HCN2: variants seen among roughly 807,000 people sequenced by gnomAD.
The protein encoded by HCN2 is hyperpolarization activated cyclic nucleotide gated potassium and sodium channel 2.
A neutral mutation model predicts 52.3 loss-of-function variants in HCN2; 20 were observed. The observed-to-expected ratio is 0.38, with a 90% CI of 0.27 to 0.56. HCN2 has a LOEUF of 0.56. HCN2 is among the 20% of genes least tolerant of loss of function. HCN2 has a pLI of 0.71. For synonymous variants in HCN2, 694 were observed against 537.0 expected (o/e 1.29, Z -4.04); for missense variants, 981 against 1,207.7 (o/e 0.81, Z 2.78).
Position 605,240 on chromosome 19 carries a change from T to C in HCN2, c.1218+18T>C. The C allele has an allele frequency of 1.9e-6, 3 of 1,607,538 alleles. No homozygotes were observed. The highest frequency in any genetic ancestry group is 1.1e-5 in the South Asian group (1 of 90,886). On this transcript the variant is annotated intron_variant, in intron 3 of 7. Transcript: ENST00000251287. ...GCATGGTGGTGAGCGCCGCGGGCCC[T>C]GACGGAGGGGGAGACGCAGGCTCCC...
In HCN2 at chr19:599,258, G is replaced by A. The variant is rs866502162; in HGVS notation, c.633-4286G>A. 3.3e-5 allele frequency among the ~76,000 whole-genome samples: 5 copies of A among 152,250 alleles called. No individual in the cohort carries two copies. The South Asian group carries it at 1.0e-3, about 32-fold the overall frequency. On this transcript the variant is annotated intron_variant, in intron 1 of 7. Transcript: ENST00000251287. Reference sequence around the variant, plus strand: ...AGTGGAGCGTCTGGGTCACCCCGCAGACGTGGTGTTAACAGCTTTTCCCTC... The same window carrying A: ...AGTGGAGCGTCTGGGTCACCCCGCAAACGTGGTGTTAACAGCTTTTCCCTC...
intron 1 of HCN2, among the ~76,000 whole-genome samples, chr19:599,057 T>G (rs1983120547): frequency 6.6e-6 from 1 of 152,274 alleles, no homozygotes; most frequent in Admixed American, 6.5e-5. Flanking sequence ...CCAAGGTCAC[T>G]GTGCCAGCAG....
At position 610,409 on chromosome 19, in the gene HCN2, A is replaced by G; in HGVS notation, c.1584+4A>G. The stretch of plus-strand genomic sequence containing the variant: ...GCTCAACGGGCCCCTGCGGGAGGTG[A>G]GGCGGGCGCCGGGCGGGCGGGAGGC... On this transcript the variant is annotated splice_donor_region_variant and intron_variant, in intron 5 of 7. Transcript: ENST00000251287. 1.9e-6 allele frequency: 3 copies of G among 1,612,012 alleles called. No homozygotes were observed. Among genetic ancestry groups the G allele is most frequent in the Non-Finnish European group, 2.5e-6 (3 of 1,179,008 alleles).
chr19:613,937 C>G lies in HCN2; in HGVS notation c.1911C>G (p.Asn637Lys). The G allele has an allele frequency of 6.2e-7, 1 of 1,603,742 alleles. No individual in the cohort carries two copies. The highest frequency in any genetic ancestry group is 8.5e-7 in the Non-Finnish European group (1 of 1,175,118). ...YCRLYSLSVD[N>K]FNEVLEEYPM... ...GCCTCTATTCGCTGAGCGTGGACAA[C>G]TTCAACGAGGTGCTGGAGGAGTACC... The change falls in exon 7 of 8, where the codon AAC (asparagine) becomes AAG (lysine). Residue 637 changes from asparagine to lysine, a missense_variant. Physicochemically the swap from Asn to Lys is moderately conservative, Grantham distance 94. This residue lies in a region of HCN2 where 85 missense variants were observed against 106.1 expected (regional missense o/e 0.80). Coordinates refer to ENST00000251287, the MANE Select transcript of HCN2 (RefSeq NM_001194.4).
At chr19:598,918 C>T (rs1031670814) in intron 1 of HCN2, among the ~76,000 whole-genome samples, 10 of 152,158 alleles carry the variant, frequency 6.6e-5, no homozygotes, top group African/African-American at 9.7e-5. Context: ...TGAGTCAGCC[C>T]TTCTCTAGGT....
At position 603,974 on chromosome 19, in the gene HCN2, T is replaced by TGGGGCG. The variant is rs781035673; in HGVS notation, c.1056+17_1056+22dup. The stretch of plus-strand genomic sequence containing the variant: ...CATCCATCAGTGGGAGGAGGTGAGG[T>TGGGGCG]GGGGCGGGGGCGGGGCCAAGGCAGC... On this transcript the variant is annotated splice_region_variant and intron_variant, in intron 2 of 7. Coordinates refer to ENST00000251287, the MANE Select transcript of HCN2 (RefSeq NM_001194.4). 6 of 626,432 alleles carry TGGGGCG rather than the reference T, an allele frequency of 9.6e-6. No homozygotes were observed. Among genetic ancestry groups the TGGGGCG allele is most frequent in the Non-Finnish European group, 1.0e-5 (5 of 476,630 alleles). 38.8% of individuals were successfully genotyped at this position (626,432 alleles called of 1,614,324 possible). A position where few individuals can be genotyped will look rare whatever the true frequency, so the allele number is the denominator to read the frequency against.
chr19:598,655 G>A (rs1568362337), intron 1 of HCN2, among the ~76,000 whole-genome samples: 1 of 152,192 alleles, frequency 6.6e-6, no homozygotes, highest in Non-Finnish European at 1.5e-5. Flanking sequence ...AGGCTGGAGT[G>A]CGATGGCGCG....
At chr19:610,149 C>G in intron 4 of HCN2, 110 bp from the exon 5 acceptor site, 1 of 1,338,126 alleles carries the variant, frequency 7.5e-7, no homozygotes, top group Non-Finnish European at 1.0e-6. Context: ...CCGCTGCAGG[C>G]TGGGGGCGGT....
At chr19:596,867 G>C (rs1475748239) in intron 1 of HCN2, among the ~76,000 whole-genome samples, 2 of 152,126 alleles carry the variant, frequency 1.3e-5, no homozygotes, top group Non-Finnish European at 2.9e-5. Flanking sequence ...GGTCTCCCAA[G>C]GTCACTCAGT....
chr19:612,393 GGTGTGTGTGTGTGTGT>G (rs140326049), intron 5 of HCN2, among the ~76,000 whole-genome samples: 16 of 141,768 alleles, frequency 1.1e-4, no homozygotes, highest in African/African-American at 2.9e-4. Flanking sequence ...GCTTTCCACT[GGTGTGTGTGTGTGTGT>G]GTGTGTGTGT....
chr19:604,981 T>G, intron 2 of HCN2, 80 bp from the exon 3 acceptor site: 1 of 1,251,150 alleles, frequency 8.0e-7, no homozygotes, highest in Non-Finnish European at 1.0e-6. Context: ...GCTCCCGCAG[T>G]GGGGGCGCAC....
In HCN2 at chr19:594,966, G is replaced by A. The variant is rs190110855; in HGVS notation, c.632+4389G>A. On this transcript the variant is annotated intron_variant, in intron 1 of 7. Transcript: ENST00000251287. ...CTGTAATGCCAGTACTTTGGGAGGC[G>A]GAGGCGGGAGGATCGCTTGAGCCCA... Among the ~76,000 whole-genome samples, 415 of 152,178 alleles carry A rather than the reference G, an allele frequency of 2.7e-3. 4 individuals carry two copies. Among genetic ancestry groups the A allele is most frequent in the African/African-American group, 9.4e-3 (390 of 41,530 alleles).
rs143799632 is a variant in HCN2 at position 592,517 on chromosome 19, G to A, written c.632+1940G>A. ...CGCTCTGTGCTCTGAGGCATAGAGGGCTCAGAGGCCCCTGTGTGGACCAAG... is the reference window on the plus strand; with the variant it reads ...CGCTCTGTGCTCTGAGGCATAGAGGACTCAGAGGCCCCTGTGTGGACCAAG... On this transcript the variant is annotated intron_variant, in intron 1 of 7. Coordinates refer to ENST00000251287, the MANE Select transcript of HCN2 (RefSeq NM_001194.4). This position sits in a 1 kb window ranked among gnomAD's most constrained non-coding sequence, Gnocchi z 4.8. Among the ~76,000 whole-genome samples, 13 of 152,286 alleles carry A rather than the reference G, an allele frequency of 8.5e-5. No individual in the cohort carries two copies. Among genetic ancestry groups the A allele is most frequent in the Non-Finnish European group, 1.3e-4 (9 of 68,012 alleles).
chr19:615,677 C>T (rs1263123055), intron 7 of HCN2, 118 bp from the exon 8 acceptor site: 3 of 909,246 alleles, frequency 3.3e-6, no homozygotes, highest in Non-Finnish European at 5.3e-6. Context: ...GTGGTAAATG[C>T]ATGCTTGCTC....
intron 3 of HCN2, among the ~76,000 whole-genome samples, chr19:606,726 C>T (rs572398400): frequency 3.8e-4 from 58 of 151,022 alleles, no homozygotes; most frequent in Non-Finnish European, 7.5e-4. Flanking sequence ...GTGGCGCGCA[C>T]CTGTAATTCC....
At chr19:615,341 C>T (rs1431147582) in intron 7 of HCN2, among the ~76,000 whole-genome samples, 2 of 149,966 alleles carry the variant, frequency 1.3e-5, no homozygotes, top group African/African-American at 5.1e-5. Context: ...AACCCCGTCT[C>T]TACTAAAAAA....
At chr19:601,002 T>C (rs1398404306) in intron 1 of HCN2, among the ~76,000 whole-genome samples, 1 of 152,142 alleles carries the variant, frequency 6.6e-6, no homozygotes, top group African/African-American at 2.4e-5. Context: ...GATTGGCCTG[T>C]CCTGGACATT....
At position 599,142 on chromosome 19, in the gene HCN2, C is replaced by T. The variant is rs539427302; in HGVS notation, c.633-4402C>T. Among the ~76,000 whole-genome samples the T allele has an allele frequency of 3.3e-5, 5 of 152,390 alleles. No homozygotes were observed. In the South Asian group the frequency reaches 8.3e-4, roughly 25 times the overall value. On this transcript the variant is annotated intron_variant, in intron 1 of 7. Transcript: ENST00000251287. ...GGTCCCTTCCAGCGTTTGGCTCTTGCAGACCGAGCTGCTGTGAACATTTTG... is the reference window on the plus strand; with the variant it reads ...GGTCCCTTCCAGCGTTTGGCTCTTGTAGACCGAGCTGCTGTGAACATTTTG...
intron 1 of HCN2, among the ~76,000 whole-genome samples, chr19:595,743 G>A (rs1030058396): frequency 1.4e-4 from 21 of 152,168 alleles, no homozygotes; most frequent in African/African-American, 4.3e-4. Flanking sequence ...TCCCCCACCC[G>A]TAGCAGCTCC....
Sources: allele counts gnomAD v4.1 joint callset (sites outside exome capture counted in the v4.1 genomes callset), GRCh38; gene constraint gnomAD v4.1.1; regional missense constraint gnomAD v4.1.1; non-coding constraint Gnocchi (gnomAD v3.1); transcripts MANE v1.5; gene names NCBI Gene and HGNC (gene_info 2026-07-23, HGNC 2026-07-21).